Variants in PDE4B observed in about 807,000 individuals in gnomAD.
The protein encoded by PDE4B is phosphodiesterase 4B.
Under a neutral mutation model 82.2 loss-of-function variants are expected in PDE4B, and 20 were observed. That is an observed-to-expected ratio of 0.24 (90% confidence interval 0.17 to 0.35). The LOEUF is 0.35. Among genes scored for constraint, PDE4B ranks in the 10% least tolerant of loss-of-function variants. The pLI, the probability that PDE4B is intolerant of heterozygous loss-of-function variation, is 1.00. For synonymous variants in PDE4B, 320 were observed against 318.9 expected (o/e 1.00, Z -0.04); for missense variants, 655 against 907.2 (o/e 0.72, Z 3.57).
intron 3 of PDE4B, among the ~76,000 whole-genome samples, chr1:65,936,507 T>C (rs1196101508): frequency 6.6e-6 from 1 of 152,164 alleles, no homozygotes; most frequent in Non-Finnish European, 1.5e-5. Context: ...GTATTGGAAA[T>C]AACAAGGAAA....
At chr1:66,369,447 A>T (rs978002117) in intron 16 of PDE4B, among the ~76,000 whole-genome samples, 1 of 152,186 alleles carries the variant, frequency 6.6e-6, no homozygotes, top group Admixed American at 6.5e-5. Context: ...TTCCCTCCCA[A>T]GGATGCTTCT....
intron 3 of PDE4B, among the ~76,000 whole-genome samples, chr1:66,117,008 A>G (rs1053337366): frequency 1.3e-5 from 2 of 152,168 alleles, no homozygotes; most frequent in Admixed American, 1.3e-4. Flanking sequence ...AGTGCCGGTG[A>G]CTGCCCCATA....
intron 3 of PDE4B, among the ~76,000 whole-genome samples, chr1:65,961,344 T>G (rs1002032130): frequency 7.2e-5 from 11 of 152,162 alleles, no homozygotes; most frequent in African/African-American, 2.7e-4. Context: ...AATGAGGATG[T>G]GTGCCTGGTA....
chr1:66,078,231 C>G (rs756051159), intron 3 of PDE4B, among the ~76,000 whole-genome samples: 1 of 150,536 alleles, frequency 6.6e-6, no homozygotes, highest in Non-Finnish European at 1.5e-5. Flanking sequence ...GAGTCTTGCT[C>G]TGCTACCCAG....
intron 7 of PDE4B, among the ~76,000 whole-genome samples, chr1:66,271,276 A>G (rs1655452808): frequency 6.6e-6 from 1 of 152,252 alleles, no homozygotes; most frequent in African/African-American, 2.4e-5. Context: ...TTCTCTTTGA[A>G]TGAAACCGAG....
chr1:66,314,793 C>T (rs565434331), intron 7 of PDE4B, among the ~76,000 whole-genome samples: 3 of 152,172 alleles, frequency 2.0e-5, no homozygotes, highest in African/African-American at 7.2e-5. Flanking sequence ...CATGCCATTC[C>T]GCGTATGGTT....
chr1:66,193,540 A>G (rs1176798628), intron 3 of PDE4B, among the ~76,000 whole-genome samples: 1 of 152,144 alleles, frequency 6.6e-6, no homozygotes, highest in Non-Finnish European at 1.5e-5. Context: ...GGGAAATGTT[A>G]TCATCTCAGA....
intron 16 of PDE4B, among the ~76,000 whole-genome samples, chr1:66,370,932 G>A (rs1418108851): frequency 6.6e-6 from 1 of 151,370 alleles, no homozygotes; most frequent in Non-Finnish European, 1.5e-5. Flanking sequence ...TTGAGTTTTT[G>A]TAACCAGTAT....
intron 1 of PDE4B, among the ~76,000 whole-genome samples, chr1:65,857,664 T>A (rs1203086010): frequency 6.6e-6 from 1 of 152,202 alleles, no homozygotes; most frequent in Non-Finnish European, 1.5e-5. Flanking sequence ...TTGTCACCTA[T>A]TTTTTATCTT....
chr1:65,995,434 C>A (rs2503187), intron 3 of PDE4B, among the ~76,000 whole-genome samples: 1 of 151,980 alleles, frequency 6.6e-6, no homozygotes, highest in Non-Finnish European at 1.5e-5. Context: ...CGGGGAACCC[C>A]GATAAAGTCT....
intron 3 of PDE4B, among the ~76,000 whole-genome samples, chr1:66,015,474 T>C (rs1054638533): frequency 1.3e-5 from 2 of 152,140 alleles, no homozygotes; most frequent in Admixed American, 6.6e-5. Flanking sequence ...CAAAGTAATT[T>C]TATATTGGGT....
At chr1:66,118,959 A>C (rs1645654026) in intron 3 of PDE4B, among the ~76,000 whole-genome samples, 1 of 152,144 alleles carries the variant, frequency 6.6e-6, no homozygotes, top group South Asian at 2.1e-4. Flanking sequence ...AGGAACAGCT[A>C]ATGTCATCTC....
At chr1:66,131,611 A>ATG (rs1452724322) in intron 3 of PDE4B, among the ~76,000 whole-genome samples, 1 of 105,884 alleles carries the variant, frequency 9.4e-6, no homozygotes, top group Non-Finnish European at 2.0e-5. Flanking sequence ...ATATATATAT[A>ATG]TATATATATA....
At chr1:65,896,466 C>A (rs1646911815) in intron 1 of PDE4B, among the ~76,000 whole-genome samples, 1 of 152,082 alleles carries the variant, frequency 6.6e-6, no homozygotes, top group Non-Finnish European at 1.5e-5. Flanking sequence ...GAGGACATGG[C>A]CAAACCATAT....
intron 1 of PDE4B, 33 bp from the exon 2 acceptor site, chr1:65,913,212 C>A: frequency 1.1e-6 from 1 of 901,678 alleles, no homozygotes. Context: ...GGATACAGAG[C>A]TGTTCTTTTT....
intron 1 of PDE4B, among the ~76,000 whole-genome samples, chr1:65,808,153 A>G (rs1265074476): frequency 6.6e-6 from 1 of 151,318 alleles, no homozygotes; most frequent in Non-Finnish European, 1.5e-5. Context: ...GGGTCCATCA[A>G]GTAGGTAGAC....
chr1:65,982,413 G>C (rs971754920), intron 3 of PDE4B, among the ~76,000 whole-genome samples: 5 of 152,160 alleles, frequency 3.3e-5, no homozygotes, highest in African/African-American at 1.2e-4. Context: ...AACGTAACCA[G>C]AGTGTGAAGA....
Position 65,903,941 on chromosome 1 carries a change from A to G in PDE4B, c.-70-9304A>G, listed in dbSNP as rs145719760. Among the ~76,000 whole-genome samples the G allele has an allele frequency of 5.3e-4, 80 of 152,316 alleles. No homozygotes were observed. In the East Asian group the frequency reaches 0.013, roughly 25 times the overall value. On this transcript the variant is annotated intron_variant, in intron 1 of 16. Coordinates refer to ENST00000341517, the MANE Select transcript of PDE4B (RefSeq NM_002600.4). ...AAATATTAGGCCATTAATTCATTTG[A>G]AGTCCTGGAAAGATTTCTCACATTT...
At chr1:66,313,004 C>A (rs150274805) in intron 7 of PDE4B, among the ~76,000 whole-genome samples, 2 of 152,300 alleles carry the variant, frequency 1.3e-5, no homozygotes, top group East Asian at 3.9e-4. Flanking sequence ...TTAATTACAA[C>A]CCCAACCCCA....
Sources: allele counts gnomAD v4.1 joint callset (sites outside exome capture counted in the v4.1 genomes callset), GRCh38; gene constraint gnomAD v4.1.1; transcripts MANE v1.5; gene names NCBI Gene and HGNC (gene_info 2026-07-23, HGNC 2026-07-21).